WDR49: variants seen among roughly 807,000 people sequenced by gnomAD.
WDR49 encodes cilia- and flagella-associated protein 337.
A neutral mutation model predicts 119.5 loss-of-function variants in WDR49; 107 were observed. That is an observed-to-expected ratio of 0.90 (90% CI 0.77 to 1.05). WDR49 has a LOEUF of 1.05. WDR49 is among the 50% of genes least tolerant of loss of function. The pLI is 0.00. For missense variants in WDR49, 1,240 were observed against 1,220.5 expected (o/e 1.02, Z -0.24); for synonymous variants, 425 against 418.8 (o/e 1.01, Z -0.18).
At chr3:167,524,773 T>C (rs1194735451) in intron 15 of WDR49, among the ~76,000 whole-genome samples, 1 of 152,160 alleles carries the variant, frequency 6.6e-6, no homozygotes, top group East Asian at 1.9e-4. Flanking sequence ...CTTTATCTGT[T>C]TTGGTACCAG....
chr3:167,521,574 C>CTCTGA, intron 16 of WDR49, among the ~76,000 whole-genome samples: 1 of 152,248 alleles, frequency 6.6e-6, no homozygotes, highest in East Asian at 1.9e-4. Context: ...TTCTTGTCAG[C>CTCTGA]TCTGAGTAAA....
intron 7 of WDR49, among the ~76,000 whole-genome samples, chr3:167,601,299 G>T: frequency 6.6e-6 from 1 of 152,064 alleles, no homozygotes; most frequent in East Asian, 1.9e-4. Flanking sequence ...GAATTTATGG[G>T]GTGTGGCTAA....
At position 167,501,129 on chromosome 3, in the gene WDR49, T is replaced by G. The variant is rs567568642; in HGVS notation, c.2885-830A>C. Among the ~76,000 whole-genome samples the G allele has an allele frequency of 7.9e-5, 12 of 152,242 alleles. No homozygotes were observed. The South Asian group carries it at 2.1e-3, about 26-fold the overall frequency. ...TAATGGAGGAAAGCAGGGATGAGGG[T>G]CTCATAATTTACATTTCTAATAAGT... is the stretch of plus-strand genomic sequence containing the variant. On this transcript the variant is annotated intron_variant, in intron 17 of 18. Transcript: ENST00000682715.
intron 16 of WDR49, among the ~76,000 whole-genome samples, chr3:167,511,971 C>A (rs898394531): frequency 2.6e-5 from 4 of 152,074 alleles, no homozygotes; most frequent in African/African-American, 9.7e-5. Context: ...TGGAATGGAG[C>A]CCCTGGGGGA....
At chr3:167,625,921 T>C (rs1277399364) in intron 3 of WDR49, among the ~76,000 whole-genome samples, 7 of 136,806 alleles carry the variant, frequency 5.1e-5, no homozygotes, top group African/African-American at 2.0e-4. Flanking sequence ...AGCCAAAATT[T>C]GCAAAAAAAA....
chr3:167,622,331 G>T (rs1484317308), intron 3 of WDR49, among the ~76,000 whole-genome samples: 1 of 151,950 alleles, frequency 6.6e-6, no homozygotes. Flanking sequence ...GAGGCCAGGA[G>T]TTCAAGAACA....
At chr3:167,618,015 T>A (rs1267891478) in intron 5 of WDR49, among the ~76,000 whole-genome samples, 2 of 152,194 alleles carry the variant, frequency 1.3e-5, no homozygotes, top group Admixed American at 6.5e-5. Context: ...ATGTCCCCAT[T>A]TGACCTATTT....
intron 15 of WDR49, among the ~76,000 whole-genome samples, chr3:167,525,186 C>A (rs1173309350): frequency 6.6e-6 from 1 of 151,986 alleles, no homozygotes; most frequent in East Asian, 1.9e-4. Context: ...TGGGAATTCG[C>A]TCATGATTGG....
intron 10 of WDR49, among the ~76,000 whole-genome samples, chr3:167,540,057 AG>A (rs754957362): frequency 8.5e-5 from 13 of 152,144 alleles, no homozygotes; most frequent in Non-Finnish European, 1.3e-4. Context: ...CTTTCTCAAA[AG>A]CACCACCTCC....
chr3:167,561,302 C>A (rs977784284), intron 8 of WDR49, among the ~76,000 whole-genome samples: 8 of 152,228 alleles, frequency 5.3e-5, no homozygotes, highest in Non-Finnish European at 8.8e-5. Context: ...AAATCCTGCT[C>A]TCAAGGAGTC....
intron 2 of WDR49, among the ~76,000 whole-genome samples, chr3:167,636,570 C>T (rs1717629537): frequency 6.6e-6 from 1 of 151,758 alleles, no homozygotes; most frequent in South Asian, 2.1e-4. Context: ...AATCTCCACA[C>T]TGTTTTTCAC....
At chr3:167,595,934 C>T (rs1340438531) in intron 7 of WDR49, among the ~76,000 whole-genome samples, 6 of 148,174 alleles carry the variant, frequency 4.0e-5, no homozygotes, top group Non-Finnish European at 7.5e-5. Flanking sequence ...GAACAGGCAA[C>T]CTACAAAATG....
intron 5 of WDR49, among the ~76,000 whole-genome samples, chr3:167,616,382 T>C (rs2060888489): frequency 6.6e-6 from 1 of 152,206 alleles, no homozygotes; most frequent in Non-Finnish European, 1.5e-5. Context: ...ATATTTCAGA[T>C]TTTGACAATA....
At chr3:167,563,353 C>CAAA (rs61247447) in intron 8 of WDR49, among the ~76,000 whole-genome samples, 189 of 55,672 alleles carry the variant, frequency 3.4e-3, no homozygotes, top group African/African-American at 5.0e-3. Flanking sequence ...GATTCTGAAT[C>CAAA]AAAAAAAAAA....
Position 167,554,687 on chromosome 3 carries a change from C to T in WDR49, c.1786G>A (p.Glu596Lys). ...LKKKILVTGW[E>K]RYDYASWKTI... The stretch of plus-strand genomic sequence containing the variant: ...TTCCATGAGGCATAATCATACCTCT[C>T]CCAGCCTGTAACCAGTATTTTCTTC... Residue 596 changes from glutamate to lysine, a missense_variant, in exon 10 of 19, where the codon GAG (glutamate) becomes AAG (lysine). Coordinates refer to ENST00000682715, the MANE Select transcript of WDR49 (RefSeq NM_001366157.1). The T allele has an allele frequency of 6.2e-7, 1 of 1,610,576 alleles. No individual in the cohort carries two copies. Among genetic ancestry groups the T allele is most frequent in the Non-Finnish European group, 8.5e-7 (1 of 1,177,604 alleles).
At chr3:167,635,328 C>T (rs1428189113) in intron 2 of WDR49, among the ~76,000 whole-genome samples, 2 of 151,536 alleles carry the variant, frequency 1.3e-5, no homozygotes, top group Non-Finnish European at 3.0e-5. Flanking sequence ...TACTCAAGAC[C>T]CTAATAAAGG....
intron 8 of WDR49, among the ~76,000 whole-genome samples, chr3:167,566,492 A>G (rs1489857886): frequency 6.6e-6 from 1 of 152,164 alleles, no homozygotes; most frequent in Non-Finnish European, 1.5e-5. Flanking sequence ...AAATGCTCTC[A>G]TTTTTGTAAA....
At chr3:167,642,584 G>A (rs775982790) in intron 2 of WDR49, among the ~76,000 whole-genome samples, 3 of 151,862 alleles carry the variant, frequency 2.0e-5, no homozygotes, top group Non-Finnish European at 2.9e-5. Context: ...TATTGATTTA[G>A]ATAGGTATAG....
chr3:167,570,342 C>T (rs1343924476), intron 8 of WDR49, among the ~76,000 whole-genome samples: 1 of 152,136 alleles, frequency 6.6e-6, no homozygotes, highest in Non-Finnish European at 1.5e-5. Context: ...AAGGGAACCA[C>T]CAATTGAATT....
Sources: allele counts gnomAD v4.1 joint callset (sites outside exome capture counted in the v4.1 genomes callset), GRCh38; gene constraint gnomAD v4.1.1; transcripts MANE v1.5; gene names NCBI Gene and HGNC (gene_info 2026-07-23, HGNC 2026-07-21).